Variants in SCAF4 observed in about 807,000 individuals in gnomAD.
SCAF4 encodes the protein SR-related CTD associated factor 4.
A neutral mutation model predicts 129.8 loss-of-function variants in SCAF4; 25 were observed. The ratio of observed to expected loss-of-function variants is 0.19; its 90% CI spans 0.14 to 0.27. The LOEUF (loss-of-function observed/expected upper bound fraction) is 0.27, where lower values mean the gene tolerates loss of function less well. Ranked by LOEUF, SCAF4 falls within the 10% of genes least tolerant of loss-of-function variation. SCAF4 has a pLI of 1.00. For synonymous variants in SCAF4, 551 were observed against 497.7 expected, an observed-to-expected ratio of 1.11 and a Z score of -1.43; for missense variants, 1,246 against 1,457.1, an observed-to-expected ratio of 0.86 and a Z score of 2.36.
At position 31,671,386 on chromosome 21, in the gene SCAF4, C is replaced by T; in HGVS notation, c.*13G>A. The T allele has an allele frequency of 6.2e-7, 1 of 1,608,562 alleles. No individual in the cohort carries two copies. On this transcript the variant is annotated 3_prime_UTR_variant, in exon 20 of 20. Coordinates refer to ENST00000286835, the MANE Select transcript of SCAF4 (RefSeq NM_020706.2). ...AGGAAGTGTCACTGTCACATTTTCA[C>T]AAATTCCAGTCTCTAACGAGGAGCC...
rs771154875 is a variant in SCAF4, at chr21:31,705,409, TGAGA to T, written c.159+10_159+13del. ...TATTGTAACTAAAATGAGGTTATAA[TGAGA>T]GATAGTTACCTTTTTGATGAACTTT... On this transcript the variant is annotated intron_variant, in intron 3 of 19. Coordinates refer to ENST00000286835, the MANE Select transcript of SCAF4 (RefSeq NM_020706.2). 2.6e-6 allele frequency: 3 copies of T among 1,137,238 alleles called. No individual in the cohort carries two copies. The highest frequency in any genetic ancestry group is 1.6e-5 in the African/African-American group (1 of 62,246). The allele number at this position is 1,137,238 out of a possible 1,614,324, so 70.4% of individuals were successfully genotyped here. A position where few individuals can be genotyped will look rare whatever the true frequency, so the allele number is the denominator to read the frequency against.
chr21:31,708,363 G>C lies in SCAF4; in HGVS notation c.31-2006C>G, dbSNP rs553537243. ...CCACTGCACGCCAGGCCAGGCGACA[G>C]AGCGAGACTCTGTCTTTAAAAAAAA... is the stretch of plus-strand genomic sequence containing the variant. On this transcript the variant is annotated intron_variant, in intron 1 of 19. Transcript: ENST00000286835. Among the ~76,000 whole-genome samples, 5 of 150,740 alleles carry C rather than the reference G, an allele frequency of 3.3e-5. No homozygotes were observed. The East Asian group carries it at 7.8e-4, about 24-fold the overall frequency.
intron 1 of SCAF4, among the ~76,000 whole-genome samples, chr21:31,731,068 G>A (rs1261722467): frequency 1.3e-5 from 2 of 152,316 alleles, no homozygotes; most frequent in Middle Eastern, 3.4e-3. Flanking sequence ...CCCCCTCTCC[G>A]TTTATTAGCC....
In SCAF4 at chr21:31,706,908, C is replaced by A. The variant is rs527249124; in HGVS notation, c.31-551G>T. 6 of 304,856 alleles carry A rather than the reference C, an allele frequency of 2.0e-5. No individual in the cohort carries two copies. The Middle Eastern group carries it at 1.9e-3, about 95-fold the overall frequency. The allele number at this position is 304,856 out of a possible 1,614,324, so 18.9% of individuals were successfully genotyped here. A position where few individuals can be genotyped will look rare whatever the true frequency, so the allele number is the denominator to read the frequency against. On this transcript the variant is annotated intron_variant, in intron 1 of 19. Coordinates refer to ENST00000286835, the MANE Select transcript of SCAF4 (RefSeq NM_020706.2). ...CTTATCAGTGGTCTCTGTCTCCCCT[C>A]TCTTCAATCCAGAGGAGTATTTTTA...
At chr21:31,692,303 T>C in intron 13 of SCAF4, 46 bp downstream of exon 13, 1 of 1,424,026 alleles carries the variant, frequency 7.0e-7, no homozygotes, top group African/African-American at 1.4e-5. Context: ...AAAATGACAT[T>C]AATCACACCT....
intron 16 of SCAF4, among the ~76,000 whole-genome samples, chr21:31,686,224 A>G (rs1274506780): frequency 4.0e-5 from 6 of 151,752 alleles, no homozygotes; most frequent in Admixed American, 1.3e-4. Context: ...AAAGAAAAAA[A>G]AAAAAAAGGA....
rs531735168 is a variant in SCAF4, at chr21:31,704,532, CA to C, written c.160-607del. Among the ~76,000 whole-genome samples the C allele has an allele frequency of 7.9e-3, 985 of 124,902 alleles. 5 individuals are homozygous for C. The highest frequency in any genetic ancestry group is 0.018 in the African/African-American group (604 of 34,200). 81.9% of individuals were successfully genotyped at this position (124,902 alleles called of 152,430 possible). ...CCAATTCTACATCTAGGAATTTATG[CA>C]AAAAAAAAAAAAATTAGGTCTAACA... is the stretch of plus-strand genomic sequence containing the variant. On this transcript the variant is annotated intron_variant, in intron 3 of 19. Coordinates refer to ENST00000286835, the MANE Select transcript of SCAF4 (RefSeq NM_020706.2).
At chr21:31,717,952 T>C (rs1484161060) in intron 1 of SCAF4, among the ~76,000 whole-genome samples, 3 of 146,036 alleles carry the variant, frequency 2.1e-5, no homozygotes, top group African/African-American at 5.0e-5. Context: ...CACACATATA[T>C]ATTTTTTTGA....
At chr21:31,696,040 G>C in intron 9 of SCAF4, 73 bp downstream of exon 9, 1 of 1,015,610 alleles carries the variant, frequency 9.8e-7, no homozygotes. Context: ...GCTGCAGAGT[G>C]CTCTGTGGAA....
chr21:31,700,604 T>A (rs769121639), intron 7 of SCAF4, among the ~76,000 whole-genome samples: 1 of 152,172 alleles, frequency 6.6e-6, no homozygotes, highest in African/African-American at 2.4e-5. Flanking sequence ...AGTGGGTATG[T>A]ATTATACTCA....
intron 4 of SCAF4, among the ~76,000 whole-genome samples, chr21:31,702,706 A>G (rs2050564334): frequency 6.6e-6 from 1 of 152,312 alleles, no homozygotes; most frequent in African/African-American, 2.4e-5. Context: ...CTTGAAGTAA[A>G]TGAAGGAGAA....
chr21:31,717,900 TATATACAC>T (rs1284843174), intron 1 of SCAF4, among the ~76,000 whole-genome samples: 23 of 78,648 alleles, frequency 2.9e-4, no homozygotes, highest in African/African-American at 9.0e-4. Flanking sequence ...TATATACACA[TATATACAC>T]ACACACACAC....
intron 3 of SCAF4, 99 bp from the exon 4 acceptor site, chr21:31,704,025 T>C (rs1225249783): frequency 1.5e-6 from 1 of 673,490 alleles, no homozygotes; most frequent in Admixed American, 2.7e-5. Context: ...ATCCATCCAA[T>C]GATTGCTTTT....
At position 31,690,342 on chromosome 21, in the gene SCAF4, G is replaced by A. The variant is rs187847333; in HGVS notation, c.1885+455C>T. ...TCTATTGAAAATGCAAAAATTAGCCGGGCAAGGTGGCACGCGCCTGTAGTC... is the reference window on the plus strand; with the variant it reads ...TCTATTGAAAATGCAAAAATTAGCCAGGCAAGGTGGCACGCGCCTGTAGTC... On this transcript the variant is annotated intron_variant, in intron 15 of 19. Coordinates refer to ENST00000286835, the MANE Select transcript of SCAF4 (RefSeq NM_020706.2). 1.5e-4 allele frequency among the ~76,000 whole-genome samples: 22 copies of A among 150,176 alleles called. No homozygotes were observed. In the East Asian group the frequency reaches 4.4e-3, roughly 30 times the overall value.
Position 31,671,849 on chromosome 21 carries a change from T to C in SCAF4, c.2994A>G (p.Glu998=), listed in dbSNP as rs200263473. Residue 998 remains glutamate (E), a synonymous_variant, in exon 20 of 20, where the codon GAA becomes GAG. Transcript: ENST00000286835. ...RQQFNSGRDQ[E]RFGRRSFGNR... is the part of the protein sequence containing the mutation. ...TTCCAAAAGATCTTCTTCCAAACCTTTCTTGGTCTCTACCTGAATTGAACT... is the reference window on the plus strand; with the variant it reads ...TTCCAAAAGATCTTCTTCCAAACCTCTCTTGGTCTCTACCTGAATTGAACT... 3.1e-6 allele frequency: 5 copies of C among 1,614,060 alleles called. No individual in the cohort carries two copies. Among genetic ancestry groups the C allele is most frequent in the Non-Finnish European group, 4.2e-6 (5 of 1,180,024 alleles).
rs1384767174 is a variant in SCAF4 at position 31,704,573 on chromosome 21, T to C, written c.160-647A>G. 2.0e-5 allele frequency among the ~76,000 whole-genome samples: 3 copies of C among 151,304 alleles called. No individual in the cohort carries two copies. The East Asian group carries it at 5.8e-4, about 29-fold the overall frequency. On this transcript the variant is annotated intron_variant, in intron 3 of 19. Transcript: ENST00000286835. ...TAGGTCTAACAACTCAGAAAATGGCTGTGTGCATCACTGTAACAACCGCAG... is the reference window on the plus strand; with the variant it reads ...TAGGTCTAACAACTCAGAAAATGGCCGTGTGCATCACTGTAACAACCGCAG...
At position 31,671,522 on chromosome 21, in the gene SCAF4, T is replaced by G; in HGVS notation, c.3321A>C (p.Ser1107=). The G allele has an allele frequency of 1.2e-6, 2 of 1,614,220 alleles. No homozygotes were observed. ...ISQVGNVDTA[S]ELEKGVSEAA... is the part of the protein sequence containing the mutation. ...CCTCAGACACCCCCTTCTCAAGTTCTGAAGCAGTGTCTACATTTCCCACTT... is the reference window on the plus strand; with the variant it reads ...CCTCAGACACCCCCTTCTCAAGTTCGGAAGCAGTGTCTACATTTCCCACTT... Residue 1107 remains serine, a synonymous_variant, in exon 20 of 20, where the codon TCA becomes TCC. Coordinates refer to ENST00000286835, the MANE Select transcript of SCAF4 (RefSeq NM_020706.2).
chr21:31,689,853 G>A (rs1601203015), intron 15 of SCAF4, among the ~76,000 whole-genome samples: 1 of 151,072 alleles, frequency 6.6e-6, no homozygotes, highest in Admixed American at 6.6e-5. Flanking sequence ...GAGAATCACT[G>A]GAACCCGGGA....
intron 7 of SCAF4, among the ~76,000 whole-genome samples, 160 bp from the exon 8 acceptor site, chr21:31,696,910 T>C (rs1183497192): frequency 6.6e-6 from 1 of 152,306 alleles, no homozygotes; most frequent in Non-Finnish European, 1.5e-5. Context: ...TTTGTAGATA[T>C]AAACAATTTT....
Sources: allele counts gnomAD v4.1 joint callset (sites outside exome capture counted in the v4.1 genomes callset), GRCh38; gene constraint gnomAD v4.1.1; transcripts MANE v1.5; gene names NCBI Gene and HGNC (gene_info 2026-07-23, HGNC 2026-07-21).